EML1: variants seen among roughly 807,000 people sequenced by gnomAD.
The protein encoded by EML1 is EMAP like 1, also known as echinoderm microtubule-associated protein-like 1.
Under a neutral mutation model 110.4 loss-of-function variants are expected in EML1, and 27 were observed. The ratio of observed to expected loss-of-function variants is 0.24; its 90% CI spans 0.18 to 0.34. The LOEUF is 0.34. Among genes scored for constraint, EML1 ranks in the 10% least tolerant of loss-of-function variants. The probability of loss-of-function intolerance (pLI) is 1.00; values close to 1 mark genes in which losing one functional copy is unlikely to be tolerated. For synonymous variants in EML1, 344 were observed against 385.8 expected (o/e 0.89, Z 1.27); for missense variants, 741 against 1,030.9 (o/e 0.72, Z 3.85).
intron 1 of EML1, among the ~76,000 whole-genome samples, chr14:99,743,969 A>G (rs2057074576): frequency 6.6e-6 from 1 of 152,190 alleles, no homozygotes; most frequent in Non-Finnish European, 1.5e-5. Context: ...ATTTGCAACC[A>G]TTTCACTATT....
At chr14:99,752,963 C>T (rs892697353) in intron 1 of EML1, among the ~76,000 whole-genome samples, 4 of 152,082 alleles carry the variant, frequency 2.6e-5, no homozygotes, top group Non-Finnish European at 5.9e-5. Flanking sequence ...AATGAAAGAA[C>T]GAGGCCTCTG....
intron 1 of EML1, among the ~76,000 whole-genome samples, chr14:99,748,252 A>G (rs1428238241): frequency 6.6e-6 from 1 of 152,092 alleles, no homozygotes; most frequent in Non-Finnish European, 1.5e-5. Flanking sequence ...AGGCCTGCCC[A>G]CTCAGAGCAT....
intron 1 of EML1, among the ~76,000 whole-genome samples, chr14:99,812,812 G>A (rs17099077): frequency 0.03 from 4,558 of 152,252 alleles, 149 homozygotes; most frequent in Admixed American, 0.11. Flanking sequence ...AACAGCTTTG[G>A]TGCAATTTAC....
At chr14:99,877,582 C>T (rs773450517) in intron 3 of EML1, among the ~76,000 whole-genome samples, 4 of 152,218 alleles carry the variant, frequency 2.6e-5, no homozygotes, top group East Asian at 1.9e-4. Flanking sequence ...CCTCTGAGCA[C>T]TCTAGTCCCT....
At position 99,919,425 on chromosome 14, in the gene EML1, G is replaced by C. The variant is rs61986036; in HGVS notation, c.1821-1364G>C. Among the ~76,000 whole-genome samples the C allele has an allele frequency of 2.6e-4, 25 of 97,550 alleles. 1 individual carries two copies. Among genetic ancestry groups the C allele is most frequent in the African/African-American group, 6.1e-4 (20 of 32,828 alleles). 64.0% of individuals were successfully genotyped at this position (97,550 alleles called of 152,430 possible). The stretch of plus-strand genomic sequence containing the variant: ...ACACACACACATACGCATGCACACA[G>C]ACACACACACACACACACACACACA... On this transcript the variant is annotated intron_variant, in intron 16 of 21. Coordinates refer to ENST00000262233, the MANE Select transcript of EML1 (RefSeq NM_004434.3).
intron 1 of EML1, among the ~76,000 whole-genome samples, chr14:99,753,396 C>G (rs1302470532): frequency 6.6e-6 from 1 of 151,828 alleles, no homozygotes; most frequent in Non-Finnish European, 1.5e-5. Flanking sequence ...GTGGGCCCCT[C>G]CGGCCTCCCT....
At chr14:99,759,487 C>A (rs1180656419) in intron 1 of EML1, among the ~76,000 whole-genome samples, 1 of 152,230 alleles carries the variant, frequency 6.6e-6, no homozygotes, top group Non-Finnish European at 1.5e-5. Context: ...CTCTTAGTTT[C>A]TCCTTAGTTT....
Position 99,832,576 on chromosome 14 carries a change from A to G in EML1, c.68-18277A>G, listed in dbSNP as rs1014549935. Among the ~76,000 whole-genome samples, 3 of 152,198 alleles carry G rather than the reference A, an allele frequency of 2.0e-5. 1 individual carries two copies. The highest frequency in any genetic ancestry group is 7.2e-5 in the African/African-American group (3 of 41,440). ...CAGACCTTCTAACGGGCGTGAGGTG[A>G]TAACTCATTTCGGTTTTAATTTGCA... On this transcript the variant is annotated intron_variant, in intron 1 of 21. Coordinates refer to ENST00000262233, the MANE Select transcript of EML1 (RefSeq NM_004434.3).
intron 12 of EML1, among the ~76,000 whole-genome samples, chr14:99,910,751 A>G (rs1196907310): frequency 1.3e-5 from 2 of 152,212 alleles, no homozygotes; most frequent in Non-Finnish European, 2.9e-5. Context: ...CTGTGAACAT[A>G]CAACTGAGTC....
chr14:99,926,375 C>T (rs1046222488), intron 17 of EML1, among the ~76,000 whole-genome samples: 2 of 150,838 alleles, frequency 1.3e-5, no homozygotes, highest in African/African-American at 2.4e-5. Flanking sequence ...ACCTCTGCCT[C>T]CCAGATTCAA....
intron 1 of EML1, among the ~76,000 whole-genome samples, chr14:99,842,981 G>A (rs2058655334): frequency 1.3e-5 from 2 of 152,194 alleles, no homozygotes; most frequent in Non-Finnish European, 2.9e-5. Flanking sequence ...GCTGGGTGTG[G>A]TGGCTCATGC....
upstream of EML1, chr14:99,793,210 G>T (rs2140231235): frequency 2.2e-6 from 1 of 458,294 alleles, no homozygotes; most frequent in Non-Finnish European, 2.8e-6. Context: ...GGCGCGGGGA[G>T]GCTCGGCCCC....
intron 1 of EML1, among the ~76,000 whole-genome samples, chr14:99,746,139 T>C (rs1392808014): frequency 6.6e-6 from 1 of 152,234 alleles, no homozygotes; most frequent in East Asian, 1.9e-4. Context: ...TTCCATTTTA[T>C]AGACGAGCAA....
intron 1 of EML1, among the ~76,000 whole-genome samples, chr14:99,774,991 GA>G (rs1290917624): frequency 1.3e-5 from 2 of 152,002 alleles, no homozygotes; most frequent in African/African-American, 4.8e-5. Flanking sequence ...CCAGTGATCA[GA>G]AAAAAAGCTT....
intron 3 of EML1, among the ~76,000 whole-genome samples, chr14:99,872,204 A>T (rs761285389): frequency 1.3e-5 from 2 of 152,110 alleles, no homozygotes; most frequent in Non-Finnish European, 2.9e-5. Flanking sequence ...CCTGGCTATG[A>T]ACAGAGGCCT....
At chr14:99,931,988 C>T (rs771490890) in intron 17 of EML1, among the ~76,000 whole-genome samples, 77 of 152,264 alleles carry the variant, frequency 5.1e-4, no homozygotes, top group Non-Finnish European at 8.2e-4. Flanking sequence ...GAACGTTTCT[C>T]CTGGTTCTGC....
intron 1 of EML1, chr14:99,737,914 C>T (rs1174406698): frequency 1.2e-5 from 16 of 1,281,914 alleles, no homozygotes; most frequent in Middle Eastern, 4.5e-4. Context: ...GAGCCAAGGC[C>T]GCCAGTCGCC....
chr14:99,779,201 C>A (rs1327397866), intron 1 of EML1, among the ~76,000 whole-genome samples: 1 of 151,690 alleles, frequency 6.6e-6, no homozygotes, highest in South Asian at 2.1e-4. Context: ...CCATTTTTTT[C>A]CTCCTATATT....
chr14:99,860,144 G>A (rs2058978088), intron 2 of EML1, among the ~76,000 whole-genome samples: 1 of 152,132 alleles, frequency 6.6e-6, no homozygotes, highest in Non-Finnish European at 1.5e-5. Context: ...CAGGATTCCA[G>A]CCATCCTGCA....
Sources: gnomAD v4.1 joint callset for allele counts (sites outside exome capture counted in the v4.1 genomes callset) on GRCh38, gnomAD v4.1.1 for gene constraint, MANE v1.5 for transcripts, NCBI Gene and HGNC (gene_info 2026-07-23, HGNC 2026-07-21) for gene names.